Variants in INHBA observed in about 807,000 individuals in gnomAD.
INHBA encodes inhibin beta A chain.
In INHBA, 1 loss-of-function variant was observed where a neutral mutation model predicts 29.0. That is an observed-to-expected ratio of 0.03 (90% CI 0.01 to 0.16). The LOEUF (loss-of-function observed/expected upper bound fraction) is 0.16. Among genes scored for constraint, INHBA ranks in the 10% least tolerant of loss-of-function variants. The pLI is 1.00. For synonymous variants in INHBA, 242 were observed against 216.8 expected (o/e 1.12, Z -1.02); for missense variants, 376 against 545.4 (o/e 0.69, Z 3.09).
rs1309932151 is a variant in INHBA at position 41,690,303 on chromosome 7, C to A, written c.628G>T (p.Val210Leu). The change falls in exon 3 of 3, where the codon GTA becomes TTA. Residue 210 changes from valine to leucine, a missense_variant. Transcript: ENST00000242208. ...ERSELLLSEK[V>L]VDARKSTWHV... The stretch of plus-strand genomic sequence containing the variant: ...CAGGTGCTCTTCCGAGCGTCTACTA[C>A]TTTTTCAGAGAGCAACAGTTCACTC... 6.2e-7 allele frequency: 1 copy of A among 1,614,086 alleles called. No homozygotes were observed.
rs1452370804 is a variant in INHBA, at chr7:41,689,722, G to A, written c.1209C>T (p.Tyr403=). The A allele has an allele frequency of 1.9e-6, 3 of 1,613,756 alleles. No individual in the cohort carries two copies. In the South Asian group the frequency reaches 3.3e-5, roughly 18 times the overall value. ...TGATGATGTTTTGACCATCATCATA[G>A]TACAACATGGACATGGGTCTCAGCT... is the stretch of plus-strand genomic sequence containing the variant. The part of the protein sequence containing the change: ...PTKLRPMSML[Y]YDDGQNIIKK... The change falls in exon 3 of 3, where the codon TAC becomes TAT. Residue 403 remains tyrosine (Y), a synonymous_variant. Coordinates refer to ENST00000242208, the MANE Select transcript of INHBA (RefSeq NM_002192.4).
In INHBA at chr7:41,700,391, G is replaced by T; in HGVS notation, c.-17C>A. The T allele has an allele frequency of 7.0e-7, 1 of 1,430,512 alleles. No individual in the cohort carries two copies. The highest frequency in any genetic ancestry group is 9.2e-7 in the Non-Finnish European group (1 of 1,090,564). The allele number at this position is 1,430,512 out of a possible 1,614,324, so 88.6% of individuals were successfully genotyped here. A position where few individuals can be genotyped will look rare whatever the true frequency, so the allele number is the denominator to read the frequency against. ...CAAGGGCATCCTGGCAGCAAAAGTT[G>T]TTGTGATTGCCTTTTTAAAAGGCCC... On this transcript the variant is annotated 5_prime_UTR_variant, in exon 2 of 3. Transcript: ENST00000242208.
intron 2 of INHBA, chr7:41,692,358 A>G (rs1034251850): frequency 2.0e-5 from 3 of 152,268 alleles, no homozygotes; most frequent in African/African-American, 2.4e-5. Context: ...AGCCATACTT[A>G]TCACTCGAGG....
intron 2 of INHBA, among the ~76,000 whole-genome samples, chr7:41,695,235 T>C (rs1794619280): frequency 6.6e-6 from 1 of 152,234 alleles, no homozygotes; most frequent in African/African-American, 2.4e-5. Context: ...GTTATGTCTC[T>C]AATGTGAATG....
At chr7:41,705,345 C>T (rs560036804), upstream of INHBA, 2 of 152,472 alleles carry the variant, frequency 1.3e-5, no homozygotes, top group African/African-American at 4.8e-5. Context: ...CTGCTCGAGC[C>T]CAGCTCGCAG....
At chr7:41,701,652 G>A (rs1003805049) in intron 1 of INHBA, among the ~76,000 whole-genome samples, 1 of 152,068 alleles carries the variant, frequency 6.6e-6, no homozygotes, top group Non-Finnish European at 1.5e-5. Flanking sequence ...ACCACCACTC[G>A]CCGGACTTCA....
At chr7:41,703,983 G>A (rs1233018541), upstream of INHBA, among the ~76,000 whole-genome samples, 3 of 152,154 alleles carry the variant, frequency 2.0e-5, no homozygotes, top group Admixed American at 6.5e-5. Flanking sequence ...AAATAACACA[G>A]GAGGAAGGGG....
rs1583590242 is a variant in INHBA at position 41,689,268 on chromosome 7, A to G, written c.*382T>C. ...GATGCTATTTGGGTTGTTCTAGTCCACACTACTGCAGACTAGATTGGTTGA... is the reference window on the plus strand; with the variant it reads ...GATGCTATTTGGGTTGTTCTAGTCCGCACTACTGCAGACTAGATTGGTTGA... On this transcript the variant is annotated 3_prime_UTR_variant, in exon 3 of 3. Coordinates refer to ENST00000242208, the MANE Select transcript of INHBA (RefSeq NM_002192.4). 4.0e-6 allele frequency: 1 copy of G among 248,694 alleles called. No homozygotes were observed. The highest frequency in any genetic ancestry group is 7.8e-6 in the Non-Finnish European group (1 of 128,834). 15.4% of individuals were successfully genotyped at this position (248,694 alleles called of 1,614,324 possible). A position where few individuals can be genotyped will look rare whatever the true frequency, so the allele number is the denominator to read the frequency against.
At position 41,689,314 on chromosome 7, in the gene INHBA, C is replaced by G; in HGVS notation, c.*336G>C. 1 of 277,574 alleles carries G rather than the reference C, an allele frequency of 3.6e-6. No homozygotes were observed. Among genetic ancestry groups the G allele is most frequent in the Non-Finnish European group, 6.7e-6 (1 of 148,452 alleles). The allele number at this position is 277,574 out of a possible 1,614,324, so 17.2% of individuals were successfully genotyped here. A position where few individuals can be genotyped will look rare whatever the true frequency, so the allele number is the denominator to read the frequency against. On this transcript the variant is annotated 3_prime_UTR_variant, in exon 3 of 3. Transcript: ENST00000242208. ...GTTGATTCAAGGCTCACAAGGGAAC[C>G]TCAAGGGGGGAAAGGACAATACCCC...
In INHBA at chr7:41,700,023, C is replaced by G. The variant is rs1794740838; in HGVS notation, c.352G>C (p.Glu118Gln). The G allele has an allele frequency of 6.6e-7, 1 of 1,513,130 alleles. No homozygotes were observed. Among genetic ancestry groups the G allele is most frequent in the Non-Finnish European group, 8.9e-7 (1 of 1,117,476 alleles). 93.7% of individuals were successfully genotyped at this position (1,513,130 alleles called of 1,614,324 possible). ...GRRAEMNELM[E>Q]QTSEIITFAE... is the part of the protein sequence containing the mutation. ...AACGTGATGATCTCCGAGGTCTGCT[C>G]CATAAGTTCATTCATTTCTGCCCTC... is the stretch of plus-strand genomic sequence containing the variant. The change falls in exon 2 of 3, where the codon GAG becomes CAG. Residue 118 changes from glutamate to glutamine, a missense_variant. Transcript: ENST00000242208.
At chr7:41,693,105 C>T in intron 2 of INHBA, among the ~76,000 whole-genome samples, 1 of 152,196 alleles carries the variant, frequency 6.6e-6, no homozygotes, top group East Asian at 1.9e-4. Flanking sequence ...TTCTGAAATC[C>T]TAAACTGCAC....
At chr7:41,701,453 C>A (rs1274213454) in intron 1 of INHBA, among the ~76,000 whole-genome samples, 1 of 152,128 alleles carries the variant, frequency 6.6e-6, no homozygotes. Flanking sequence ...CTGAGGAGAG[C>A]GCAATGGAAC....
intron 2 of INHBA, among the ~76,000 whole-genome samples, chr7:41,693,754 C>T (rs1363212816): frequency 1.3e-5 from 2 of 152,154 alleles, no homozygotes; most frequent in Admixed American, 6.5e-5. Context: ...CATGGCATCG[C>T]CTGCGTATTG....
rs1310820916 is a variant in INHBA, at chr7:41,687,554, G to A, written c.*2096C>T. On this transcript the variant is annotated 3_prime_UTR_variant, in exon 3 of 3. Transcript: ENST00000242208. Reference sequence around the variant, plus strand: ...ACTTTGATATTTATAAAACAAAGGTGTTTTTTTTTCATTTCTGCATCTGAA... The same window carrying A: ...ACTTTGATATTTATAAAACAAAGGTATTTTTTTTTCATTTCTGCATCTGAA... 1 of 150,098 alleles carries A rather than the reference G, an allele frequency of 6.7e-6. No homozygotes were observed. The highest frequency in any genetic ancestry group is 1.9e-4 in the East Asian group (1 of 5,132). 9.3% of individuals were successfully genotyped at this position (150,098 alleles called of 1,614,324 possible).
At position 41,689,867 on chromosome 7, in the gene INHBA, G is replaced by A. The variant is rs747474916; in HGVS notation, c.1064C>T (p.Pro355Leu). 6.2e-7 allele frequency: 1 copy of A among 1,613,190 alleles called. No individual in the cohort carries two copies. The change falls in exon 3 of 3, where the codon CCG becomes CTG. Residue 355 changes from proline to leucine, a missense_variant. Pro to Leu is a moderately conservative substitution (Grantham distance 98, BLOSUM62 -3). Around this residue, in one of 4 missense-constraint regions of INHBA, gnomAD observed 50 missense variants for 137.9 expected, o/e 0.36. Coordinates refer to ENST00000242208, the MANE Select transcript of INHBA (RefSeq NM_002192.4). ...CCCGGACGTGCCTGCTATATGGCTC[G>A]GGCACTCACCCTCGCAGTAGTTGGC... The part of the protein sequence containing the change: ...YHANYCEGEC[P>L]SHIAGTSGSS...
In INHBA at chr7:41,690,494, T is replaced by C; in HGVS notation, c.437A>G (p.Asp146Gly). 1 of 1,612,296 alleles carries C rather than the reference T, an allele frequency of 6.2e-7. No individual in the cohort carries two copies. The highest frequency in any genetic ancestry group is 2.2e-5 in the East Asian group (1 of 44,840). The change falls in exon 3 of 3, where the codon GAC (aspartate) becomes GGC (glycine). Residue 146 changes from aspartate (D) to glycine (G), a missense_variant. By Grantham distance (94) the Asp-to-Gly change is moderately conservative. Coordinates refer to ENST00000242208, the MANE Select transcript of INHBA (RefSeq NM_002192.4). ...LHFEISKEGS[D>G]LSVVERAEVW... ...TTCTGCACGCTCCACCACTGACAGG[T>C]CACTGCCTTCCTTGGAAATCTCGAA...
chr7:41,701,442 T>C (rs1322441477), intron 1 of INHBA, among the ~76,000 whole-genome samples: 1 of 152,144 alleles, frequency 6.6e-6, no homozygotes, highest in Non-Finnish European at 1.5e-5. Context: ...TGGCAGGCAA[T>C]CTGAGGAGAG....
intron 2 of INHBA, among the ~76,000 whole-genome samples, chr7:41,699,031 G>A (rs1794712108): frequency 6.6e-6 from 1 of 152,180 alleles, no homozygotes. Context: ...TGGGCTTGCA[G>A]GCATGCAAAG....
Position 41,686,343 on chromosome 7 carries a change from A to T in INHBA, c.*3307T>A, listed in dbSNP as rs555196119. ...AGATTGGTGTGGGCAGATTTTTAAG[A>T]GCCTAGAGTTTAGTCTTAGAGAAAG... is the stretch of plus-strand genomic sequence containing the variant. On this transcript the variant is annotated 3_prime_UTR_variant, in exon 3 of 3. Coordinates refer to ENST00000242208, the MANE Select transcript of INHBA (RefSeq NM_002192.4). 1 of 152,282 alleles carries T rather than the reference A, an allele frequency of 6.6e-6. No homozygotes were observed. The highest frequency in any genetic ancestry group is 2.1e-4 in the South Asian group (1 of 4,824). 9.4% of individuals were successfully genotyped at this position (152,282 alleles called of 1,614,324 possible). A position where few individuals can be genotyped will look rare whatever the true frequency, so the allele number is the denominator to read the frequency against.
Sources: gnomAD v4.1 joint callset for allele counts (sites outside exome capture counted in the v4.1 genomes callset) on GRCh38, gnomAD v4.1.1 for gene constraint, gnomAD v4.1.1 regional missense constraint, MANE v1.5 for transcripts, NCBI Gene and HGNC (gene_info 2026-07-23, HGNC 2026-07-21) for gene names.